The following ATRNL1 variants were observed in gnomAD, a reference collection of about 807,000 sequenced individuals.
ATRNL1 encodes attractin like 1.
In ATRNL1, 95 loss-of-function variants were observed where a neutral mutation model predicts 182.7. The ratio of observed to expected loss-of-function variants is 0.52; its 90% CI spans 0.44 to 0.62. The LOEUF is 0.62. ATRNL1 is among the 20% of genes least tolerant of loss of function. The pLI, the probability that ATRNL1 is intolerant of heterozygous loss-of-function variation, is 0.00. For missense variants in ATRNL1, 1,471 were observed against 1,679.5 expected (o/e 0.88, Z 2.17); for synonymous variants, 576 against 568.3 (o/e 1.01, Z -0.19).
chr10:115,318,613 T>C (rs187817002), intron 18 of ATRNL1, among the ~76,000 whole-genome samples: 3 of 152,256 alleles, frequency 2.0e-5, no homozygotes, highest in Admixed American at 2.0e-4. Flanking sequence ...GGTTTAGTCT[T>C]GGGAGGGTGT....
At chr10:115,822,897 C>G (rs782807924) in intron 27 of ATRNL1, among the ~76,000 whole-genome samples, 5 of 151,980 alleles carry the variant, frequency 3.3e-5, no homozygotes, top group Non-Finnish European at 7.4e-5. Flanking sequence ...TTCCAAACAA[C>G]AGAAAAAGGG....
intron 19 of ATRNL1, among the ~76,000 whole-genome samples, chr10:115,377,697 A>G (rs940274726): frequency 5.3e-5 from 8 of 152,068 alleles, no homozygotes; most frequent in Admixed American, 1.3e-4. Flanking sequence ...GACAGTCTGT[A>G]TATGTCTTTA....
In ATRNL1 at chr10:115,160,185, T is replaced by C; in HGVS notation, c.975T>C (p.Phe325=). Residue 325 remains phenylalanine, a synonymous_variant, in exon 6 of 29, where the codon TTT becomes TTC. Coordinates refer to ENST00000355044, the MANE Select transcript of ATRNL1 (RefSeq NM_207303.4). ...TGTGGGTGATTGGTGGATATACTTT[T>C]AACTACAGTTCTTTTCAAATGGTCC... ...KFMWVIGGYT[F]NYSSFQMVLN... 2 of 1,612,370 alleles carry C rather than the reference T, an allele frequency of 1.2e-6. No homozygotes were observed. Among genetic ancestry groups the C allele is most frequent in the Non-Finnish European group, 1.7e-6 (2 of 1,178,854 alleles).
intron 26 of ATRNL1, among the ~76,000 whole-genome samples, chr10:115,584,177 A>C (rs1855330770): frequency 6.7e-6 from 1 of 149,350 alleles, no homozygotes. Flanking sequence ...GGATTTTTGC[A>C]TCAATGTTCA....
chr10:115,782,264 A>G (rs559116948), intron 27 of ATRNL1, among the ~76,000 whole-genome samples: 5 of 152,254 alleles, frequency 3.3e-5, no homozygotes, highest in African/African-American at 1.2e-4. Context: ...AACCACCTCA[A>G]CTTTACAGTT....
At chr10:115,481,305 G>C (rs4306223) in intron 24 of ATRNL1, among the ~76,000 whole-genome samples, 96,573 of 150,154 alleles carry the variant, frequency 0.64, 32,007 homozygotes, top group Non-Finnish European at 0.73. Flanking sequence ...TTTTAAAAAA[G>C]AGCAAGGTGA....
chr10:115,906,825 TA>T (rs1384482983), intron 28 of ATRNL1, among the ~76,000 whole-genome samples: 4 of 151,522 alleles, frequency 2.6e-5, no homozygotes, highest in Non-Finnish European at 4.4e-5. Flanking sequence ...ATACTTTTTT[TA>T]AAAAAAAATC....
At chr10:115,538,352 G>A (rs2133776325) in intron 25 of ATRNL1, among the ~76,000 whole-genome samples, 1 of 152,332 alleles carries the variant, frequency 6.6e-6, no homozygotes, top group African/African-American at 2.4e-5. Flanking sequence ...ATTCTCACCA[G>A]TGCTTGGTCC....
intron 28 of ATRNL1, among the ~76,000 whole-genome samples, chr10:115,872,248 G>A (rs1951602510): frequency 6.6e-6 from 1 of 152,216 alleles, no homozygotes; most frequent in Non-Finnish European, 1.5e-5. Context: ...AATTTCTAAT[G>A]TATGCACAAT....
intron 22 of ATRNL1, among the ~76,000 whole-genome samples, chr10:115,466,927 T>C (rs1848077962): frequency 6.6e-6 from 1 of 150,988 alleles, no homozygotes; most frequent in Non-Finnish European, 1.5e-5. Context: ...TACAGGAGCC[T>C]CTGGCTTACA....
chr10:115,589,763 T>A (rs1465177334), intron 26 of ATRNL1, among the ~76,000 whole-genome samples: 1 of 152,192 alleles, frequency 6.6e-6, no homozygotes, highest in Non-Finnish European at 1.5e-5. Flanking sequence ...TAACACATAA[T>A]TTTTCCCAAA....
chr10:115,341,104 A>T (rs1239419991), intron 19 of ATRNL1, among the ~76,000 whole-genome samples: 1 of 151,734 alleles, frequency 6.6e-6, no homozygotes, highest in Non-Finnish European at 1.5e-5. Context: ...AGTTTTTAAG[A>T]TGCATCATTA....
chr10:115,470,506 T>C (rs1197609652), intron 24 of ATRNL1, among the ~76,000 whole-genome samples: 2 of 150,646 alleles, frequency 1.3e-5, no homozygotes, highest in Non-Finnish European at 3.0e-5. Flanking sequence ...TATTCAATTA[T>C]GATTGAAAGG....
At chr10:115,750,370 A>C (rs1436307747) in intron 27 of ATRNL1, among the ~76,000 whole-genome samples, 1 of 151,934 alleles carries the variant, frequency 6.6e-6, no homozygotes, top group African/African-American at 2.4e-5. Context: ...ATCAGTAGGA[A>C]AAAGATGGGC....
intron 10 of ATRNL1, among the ~76,000 whole-genome samples, chr10:115,255,836 T>G (rs537275507): frequency 2.6e-5 from 4 of 152,322 alleles, no homozygotes; most frequent in Admixed American, 1.3e-4. Flanking sequence ...TATTGAGAGT[T>G]TTTAGCCTGA....
At chr10:115,772,593 C>CTGTGTGTGTG (rs71475107) in intron 27 of ATRNL1, among the ~76,000 whole-genome samples, 13,775 of 125,024 alleles carry the variant, frequency 0.11, 813 homozygotes, top group Admixed American at 0.18. Context: ...AATATATACT[C>CTGTGTGTGTG]TGTCTGTGTG....
chr10:115,648,270 G>A (rs913126646), intron 26 of ATRNL1, among the ~76,000 whole-genome samples: 3 of 152,086 alleles, frequency 2.0e-5, no homozygotes, highest in Non-Finnish European at 2.9e-5. Context: ...CCTCTTCAAG[G>A]AGAACTACAT....
intron 19 of ATRNL1, among the ~76,000 whole-genome samples, chr10:115,370,312 C>T (rs1241104174): frequency 1.3e-5 from 2 of 152,124 alleles, no homozygotes; most frequent in Non-Finnish European, 2.9e-5. Context: ...AATGTGGAAG[C>T]AACTTTGGAA....
At chr10:115,772,147 A>C (rs1259750783) in intron 27 of ATRNL1, among the ~76,000 whole-genome samples, 1 of 152,228 alleles carries the variant, frequency 6.6e-6, no homozygotes, top group Non-Finnish European at 1.5e-5. Flanking sequence ...CAATTTGTGG[A>C]ATTGAATTCC....
Sources: allele counts gnomAD v4.1 joint callset (sites outside exome capture counted in the v4.1 genomes callset), GRCh38; gene constraint gnomAD v4.1.1; transcripts MANE v1.5; gene names NCBI Gene and HGNC (gene_info 2026-07-23, HGNC 2026-07-21).